Variants in ASPH observed in about 807,000 individuals in gnomAD.
ASPH encodes the protein aspartate beta-hydroxylase.
A neutral mutation model predicts 118.4 loss-of-function variants in ASPH; 100 were observed. That is an observed-to-expected ratio of 0.84 (90% CI 0.72 to 1.00). ASPH has a LOEUF of 1.00. Among genes scored for constraint, ASPH ranks in the 50% least tolerant of loss-of-function variants. ASPH has a pLI of 0.00. For missense variants in ASPH, 920 were observed against 919.5 expected, an observed-to-expected ratio of 1.00 and a Z score of -0.01; for synonymous variants, 315 against 325.6, an observed-to-expected ratio of 0.97 and a Z score of 0.35.
intron 7 of ASPH, among the ~76,000 whole-genome samples, chr8:61,644,376 T>C (rs1035549759): frequency 3.9e-5 from 6 of 152,234 alleles, no homozygotes; most frequent in Admixed American, 6.5e-5. Context: ...TCTTTTGAAC[T>C]AGTAATCCTA....
chr8:61,675,777 C>T, intron 3 of ASPH: 1 of 1,167,772 alleles, frequency 8.6e-7, no homozygotes, highest in Non-Finnish European at 1.1e-6. Context: ...TCAGTGAATA[C>T]ATGAGTTGAA....
intron 10 of ASPH, among the ~76,000 whole-genome samples, chr8:61,638,568 C>G (rs1384923000): frequency 6.6e-6 from 1 of 152,148 alleles, no homozygotes; most frequent in African/African-American, 2.4e-5. Context: ...AGGGCAGCCA[C>G]TTTTTACTAC....
chr8:61,520,597 T>C (rs1812592425), intron 22 of ASPH, among the ~76,000 whole-genome samples: 1 of 152,240 alleles, frequency 6.6e-6, no homozygotes, highest in African/African-American at 2.4e-5. Flanking sequence ...GTTCCCCAAA[T>C]GAACAATAAA....
At chr8:61,626,100 A>G in intron 13 of ASPH, 1 of 1,248,542 alleles carries the variant, frequency 8.0e-7, no homozygotes, top group Non-Finnish European at 1.0e-6. Flanking sequence ...AAAAAGAAAA[A>G]AAAATACACT....
At position 61,567,182 on chromosome 8, in the gene ASPH, C is replaced by T. The variant is rs1489541919; in HGVS notation, c.1286G>A (p.Arg429Lys). The change falls in exon 17 of 25, where the codon AGG becomes AAG. Residue 429 changes from arginine (R) to lysine (K), a missense_variant. Coordinates refer to ENST00000379454, the MANE Select transcript of ASPH (RefSeq NM_004318.4). ...LKLSLKRRSD[R>K]QQFLGHMRGS... ...TTGCATCTTACCTAGAAATTGTTGC[C>T]TGTCTGAGCGACGCTTCAAACTCAG... The T allele has an allele frequency of 1.2e-6, 2 of 1,613,344 alleles. No individual in the cohort carries two copies. Among genetic ancestry groups the T allele is most frequent in the Non-Finnish European group, 1.7e-6 (2 of 1,179,754 alleles).
intron 14 of ASPH, among the ~76,000 whole-genome samples, chr8:61,597,090 G>A (rs2133256916): frequency 6.9e-6 from 1 of 145,512 alleles, no homozygotes; most frequent in Admixed American, 7.1e-5. Context: ...TTCAATGAGT[G>A]AAATCAAAAA....
At chr8:61,694,760 C>T (rs1176648669) in intron 1 of ASPH, among the ~76,000 whole-genome samples, 1 of 152,170 alleles carries the variant, frequency 6.6e-6, no homozygotes, top group African/African-American at 2.4e-5. Context: ...CATGACTTAC[C>T]TTTTTCTCTC....
Position 61,501,685 on chromosome 8 carries a change from A to G in ASPH, c.*1674T>C, listed in dbSNP as rs1240612891. 2.0e-5 allele frequency: 3 copies of G among 152,142 alleles called. No homozygotes were observed. Among genetic ancestry groups the G allele is most frequent in the African/African-American group, 4.8e-5 (2 of 41,456 alleles). The allele number at this position is 152,142 out of a possible 1,614,324, so 9.4% of individuals were successfully genotyped here. A position where few individuals can be genotyped will look rare whatever the true frequency, so the allele number is the denominator to read the frequency against. ...TTCTCGATTTTAGTAATTAATTTGG[A>G]TATTTTTCCTCCCATGCCTCTTCAT... On this transcript the variant is annotated 3_prime_UTR_variant, in exon 25 of 25. Transcript: ENST00000379454.
chr8:61,518,537 CATAA>C (rs928642615), intron 22 of ASPH, among the ~76,000 whole-genome samples: 1 of 151,946 alleles, frequency 6.6e-6, no homozygotes, highest in African/African-American at 2.4e-5. Context: ...TACCCTATAT[CATAA>C]ATAGTTGATT....
chr8:61,671,878 T>C (rs1424979565), intron 3 of ASPH, among the ~76,000 whole-genome samples: 1 of 152,346 alleles, frequency 6.6e-6, no homozygotes, highest in East Asian at 1.9e-4. Context: ...GCAATAGACA[T>C]GATTTTAGAA....
At chr8:61,532,507 T>C (rs768666583) in intron 21 of ASPH, among the ~76,000 whole-genome samples, 110 of 152,346 alleles carry the variant, frequency 7.2e-4, no homozygotes, top group South Asian at 1.7e-3. Context: ...TTGTTTCTTT[T>C]GCTGTGCAGA....
Position 61,519,299 on chromosome 8 carries a change from C to T in ASPH, c.1901-1176G>A, listed in dbSNP as rs1366732528. On this transcript the variant is annotated intron_variant, in intron 22 of 24. Transcript: ENST00000379454. ...ATATATTTCATGCATTCATGACATA[C>T]CTAATTTTTCTTAATTTTAAAAAAT... 3.9e-5 allele frequency among the ~76,000 whole-genome samples: 6 copies of T among 152,020 alleles called. No individual in the cohort carries two copies. In the East Asian group the frequency reaches 1.2e-3, roughly 29 times the overall value.
At chr8:61,584,733 T>C (rs1050234554) in intron 14 of ASPH, among the ~76,000 whole-genome samples, 1 of 151,704 alleles carries the variant, frequency 6.6e-6, no homozygotes, top group Admixed American at 6.6e-5. Context: ...GGTCTTGAAC[T>C]CCTGGCCTCA....
At chr8:61,696,341 C>T (rs1440446486) in intron 1 of ASPH, among the ~76,000 whole-genome samples, 2 of 152,172 alleles carry the variant, frequency 1.3e-5, no homozygotes, top group Non-Finnish European at 2.9e-5. Context: ...ATCAGCAATA[C>T]CCATTTATAT....
intron 24 of ASPH, among the ~76,000 whole-genome samples, chr8:61,514,403 C>T (rs1035012747): frequency 2.6e-5 from 4 of 152,006 alleles, no homozygotes; most frequent in African/African-American, 9.7e-5. Flanking sequence ...CCTTGAACTC[C>T]TGGGCAATTT....
intron 17 of ASPH, among the ~76,000 whole-genome samples, chr8:61,564,872 G>A (rs915588023): frequency 6.6e-6 from 1 of 152,140 alleles, no homozygotes; most frequent in African/African-American, 2.4e-5. Flanking sequence ...TAATCTATAG[G>A]AGCCTCCCCT....
chr8:61,680,063 T>C lies in ASPH; in HGVS notation c.322+905A>G, dbSNP rs577619973. 5.3e-5 allele frequency among the ~76,000 whole-genome samples: 8 copies of C among 151,790 alleles called. No individual in the cohort carries two copies. The South Asian group carries it at 1.5e-3, about 28-fold the overall frequency. ...ACTTTATTTCATAAGGAGGTGGAAT[T>C]AATCTACTAAAAGCAGTTTCACTAG... On this transcript the variant is annotated intron_variant, in intron 3 of 24. Transcript: ENST00000379454.
At chr8:61,522,297 A>G (rs1006434423) in intron 22 of ASPH, among the ~76,000 whole-genome samples, 1 of 152,146 alleles carries the variant, frequency 6.6e-6, no homozygotes, top group Non-Finnish European at 1.5e-5. Flanking sequence ...AGCAAATACC[A>G]CAGACTGAGT....
At chr8:61,653,753 A>T (rs1201899714) in intron 3 of ASPH, 93 bp from the exon 4 acceptor site, 2 of 1,251,176 alleles carry the variant, frequency 1.6e-6, no homozygotes, top group African/African-American at 1.5e-5. Flanking sequence ...ACATTTAATT[A>T]ATAGTGCTGC....
Sources: allele counts gnomAD v4.1 joint callset (sites outside exome capture counted in the v4.1 genomes callset), GRCh38; gene constraint gnomAD v4.1.1; transcripts MANE v1.5; gene names NCBI Gene and HGNC (gene_info 2026-07-23, HGNC 2026-07-21).